Variants in CSMD1 observed in about 807,000 individuals in gnomAD.
CSMD1 encodes the protein CUB and Sushi multiple domains 1, also known as CUB and sushi domain-containing protein 1.
Under a neutral mutation model 417.5 loss-of-function variants are expected in CSMD1, and 213 were observed. The ratio of observed to expected loss-of-function variants is 0.51; its 90% CI spans 0.46 to 0.57. CSMD1 has a LOEUF of 0.57. Ranked by LOEUF, CSMD1 falls within the 20% of genes least tolerant of loss-of-function variation. The pLI is 0.00. For synonymous variants in CSMD1, 2,862 were observed against 1,736.8 expected, an observed-to-expected ratio of 1.65 and a Z score of -16.11; for missense variants, 6,923 against 4,529.7, an observed-to-expected ratio of 1.53 and a Z score of -15.17.
At position 3,385,905 on chromosome 8, in the gene CSMD1, G is replaced by A. The variant is rs113971616; in HGVS notation, c.2782+1589C>T. Among the ~76,000 whole-genome samples, 692 of 151,718 alleles carry A rather than the reference G, an allele frequency of 4.6e-3. 1 individual carries two copies. The highest frequency in any genetic ancestry group is 8.0e-3 in the Non-Finnish European group (544 of 67,892). ...TAGTCCATGTTGCAGATTCACATAT[G>A]AGAGGAAAAAAAAAGCACTAGGTAA... is the stretch of plus-strand genomic sequence containing the variant. On this transcript the variant is annotated intron_variant, in intron 18 of 69. Coordinates refer to ENST00000635120, the MANE Select transcript of CSMD1 (RefSeq NM_033225.6).
chr8:4,206,677 T>C (rs895634260), intron 3 of CSMD1, among the ~76,000 whole-genome samples: 3 of 152,210 alleles, frequency 2.0e-5, no homozygotes, highest in Non-Finnish European at 2.9e-5. Flanking sequence ...CAGCATGATC[T>C]AAAATCCTTT....
chr8:4,232,544 T>G (rs558257038), intron 3 of CSMD1, among the ~76,000 whole-genome samples: 1 of 152,310 alleles, frequency 6.6e-6, no homozygotes, highest in African/African-American at 2.4e-5. Context: ...AATAATTGAC[T>G]TGGCTTTTCT....
intron 54 of CSMD1, among the ~76,000 whole-genome samples, chr8:2,993,447 G>GGA (rs1806586047): frequency 6.6e-6 from 1 of 152,170 alleles, no homozygotes. Flanking sequence ...TTACAAAAGA[G>GGA]GAGTGTCAGG....
At chr8:4,175,931 A>T in intron 3 of CSMD1, among the ~76,000 whole-genome samples, 1 of 152,126 alleles carries the variant, frequency 6.6e-6, no homozygotes, top group East Asian at 1.9e-4. Context: ...GTCACTGTGC[A>T]GGTGCTGTCG....
At chr8:4,040,888 A>G (rs912336516) in intron 3 of CSMD1, among the ~76,000 whole-genome samples, 2 of 152,132 alleles carry the variant, frequency 1.3e-5, no homozygotes, top group African/African-American at 4.8e-5. Context: ...CACTATGTAA[A>G]TGGCTCTTGA....
intron 5 of CSMD1, among the ~76,000 whole-genome samples, chr8:3,964,716 C>G (rs1812555310): frequency 6.6e-6 from 1 of 152,164 alleles, no homozygotes; most frequent in Non-Finnish European, 1.5e-5. Context: ...GCTTCAAAAT[C>G]CATTGCAATG....
intron 18 of CSMD1, among the ~76,000 whole-genome samples, chr8:3,372,782 G>A (rs545640457): frequency 6.6e-6 from 1 of 152,250 alleles, no homozygotes; most frequent in East Asian, 1.9e-4. Context: ...TAGGTCTGGA[G>A]GCCATGGAAG....
intron 52 of CSMD1, among the ~76,000 whole-genome samples, chr8:3,016,730 A>G (rs1370330210): frequency 2.6e-5 from 4 of 152,112 alleles, no homozygotes; most frequent in Non-Finnish European, 5.9e-5. Context: ...AATGTTTTAT[A>G]TATTATAACC....
intron 7 of CSMD1, among the ~76,000 whole-genome samples, chr8:3,704,002 T>C (rs911703934): frequency 7.2e-5 from 11 of 151,746 alleles, no homozygotes; most frequent in African/African-American, 2.7e-4. Flanking sequence ...ACCCGGGAGG[T>C]AGAGGTTTCA....
intron 1 of CSMD1, among the ~76,000 whole-genome samples, chr8:4,908,901 A>G (rs1244344296): frequency 6.6e-6 from 1 of 152,178 alleles, no homozygotes; most frequent in African/African-American, 2.4e-5. Context: ...GGCAATGTCA[A>G]CATATCTCTC....
chr8:3,205,650 G>C, intron 30 of CSMD1, 30 bp from the exon 31 acceptor site: 7 of 1,135,482 alleles, frequency 6.2e-6, no homozygotes, highest in Non-Finnish European at 9.0e-6. Flanking sequence ...AGAATTAGTC[G>C]CTGTGCAATA....
chr8:4,195,723 G>A lies in CSMD1; in HGVS notation c.416-163624C>T, dbSNP rs79917906. On this transcript the variant is annotated intron_variant, in intron 3 of 69. Transcript: ENST00000635120. The stretch of plus-strand genomic sequence containing the variant: ...GGAGAAATTGTGGAAATGGCCCCCA[G>A]ACAGCAAAACGTCGGGGCTCTCCGT... Among the ~76,000 whole-genome samples, 271 of 152,298 alleles carry A rather than the reference G, an allele frequency of 1.8e-3. 2 individuals carry two copies. The highest frequency in any genetic ancestry group is 6.3e-3 in the African/African-American group (263 of 41,562).
At chr8:3,556,552 C>CACCCTCT (rs1554468421) in intron 10 of CSMD1, among the ~76,000 whole-genome samples, 1 of 139,822 alleles carries the variant, frequency 7.2e-6, no homozygotes, top group Admixed American at 7.3e-5. Flanking sequence ...ACACACACAC[C>CACCCTCT]CTCTCTCTCT....
At chr8:3,224,780 GGA>G (rs1419278176) in intron 27 of CSMD1, among the ~76,000 whole-genome samples, 2 of 152,164 alleles carry the variant, frequency 1.3e-5, no homozygotes, top group African/African-American at 4.8e-5. Flanking sequence ...TTCTTGAATT[GGA>G]AAGTATTTAG....
At chr8:4,231,854 G>C (rs1046606491) in intron 3 of CSMD1, among the ~76,000 whole-genome samples, 2 of 152,182 alleles carry the variant, frequency 1.3e-5, no homozygotes, top group East Asian at 1.9e-4. Flanking sequence ...ACATGTATAT[G>C]ATAAAGGATC....
At chr8:3,062,590 A>G (rs904657154) in intron 49 of CSMD1, among the ~76,000 whole-genome samples, 1 of 152,096 alleles carries the variant, frequency 6.6e-6, no homozygotes, top group African/African-American at 2.4e-5. Flanking sequence ...TATGAAATGC[A>G]AAATTGAGGA....
At chr8:4,682,955 C>CATATATATATATATAT (rs10566841) in intron 1 of CSMD1, among the ~76,000 whole-genome samples, 2 of 118,490 alleles carry the variant, frequency 1.7e-5, no homozygotes, top group Non-Finnish European at 3.5e-5. Flanking sequence ...TAAGTATCTT[C>CATATATATATATATAT]ATATATATAT....
At chr8:3,537,872 C>A (rs1421391273) in intron 10 of CSMD1, among the ~76,000 whole-genome samples, 1 of 152,226 alleles carries the variant, frequency 6.6e-6, no homozygotes, top group Admixed American at 6.5e-5. Context: ...GGAGCCTCTT[C>A]TCCCATATTT....
At chr8:4,166,536 A>C (rs929129414) in intron 3 of CSMD1, among the ~76,000 whole-genome samples, 1 of 152,220 alleles carries the variant, frequency 6.6e-6, no homozygotes, top group Non-Finnish European at 1.5e-5. Flanking sequence ...ATTCTCATTT[A>C]TAAGTGGGAG....
Sources: gnomAD v4.1 joint callset for allele counts (sites outside exome capture counted in the v4.1 genomes callset) on GRCh38, gnomAD v4.1.1 for gene constraint, MANE v1.5 for transcripts, NCBI Gene and HGNC (gene_info 2026-07-23, HGNC 2026-07-21) for gene names.